PLCE1: variants seen among roughly 807,000 people sequenced by gnomAD.
PLCE1 encodes the protein 1-phosphatidylinositol 4,5-bisphosphate phosphodiesterase epsilon-1.
PLCE1 carries 119 observed loss-of-function variants against 242.8 expected under a neutral mutation model. The ratio of observed to expected loss-of-function variants is 0.49; its 90% CI spans 0.42 to 0.57. The LOEUF is 0.57. PLCE1 is among the 20% of genes least tolerant of loss of function. The probability of loss-of-function intolerance (pLI) is 0.00; values close to 1 mark genes in which losing one functional copy is unlikely to be tolerated. For missense variants in PLCE1, 2,441 were observed against 2,788.8 expected, an observed-to-expected ratio of 0.88 and a Z score of 2.81; for synonymous variants, 945 against 1,017.4, an observed-to-expected ratio of 0.93 and a Z score of 1.35.
chr10:94,056,117 G>A lies in PLCE1; in HGVS notation c.1206+23865G>A, dbSNP rs1452408983. ...CATCTTTTTTAGCAAACCCTTTTCT[G>A]TGTCAGTTTGTTTGAATTCTCTAAA... On this transcript the variant is annotated intron_variant, in intron 2 of 32. Transcript: ENST00000371380. Among the ~76,000 whole-genome samples, 4 of 152,222 alleles carry A rather than the reference G, an allele frequency of 2.6e-5. 1 individual carries two copies. Among genetic ancestry groups the A allele is most frequent in the South Asian group, 2.1e-4 (1 of 4,822 alleles).
At chr10:94,240,509 TAGAG>T (rs1227405927) in intron 7 of PLCE1, among the ~76,000 whole-genome samples, 16 of 152,166 alleles carry the variant, frequency 1.1e-4, no homozygotes, top group African/African-American at 2.2e-4. Flanking sequence ...TAGATTTTAT[TAGAG>T]AGAACAGCTG....
At chr10:94,236,250 ACTT>A in intron 7 of PLCE1, 130 bp downstream of exon 7, 1 of 727,714 alleles carries the variant, frequency 1.4e-6, no homozygotes, top group African/African-American at 1.8e-5. Context: ...ATTAAGCCAC[ACTT>A]CTTTATCTTC....
In PLCE1 at chr10:94,254,213, C is replaced by T. The variant is rs773286585; in HGVS notation, c.3303C>T (p.Asp1101=). The part of the protein sequence containing the change: ...LMRGESGEVT[D]DEMATRKAKM... The stretch of plus-strand genomic sequence containing the variant: ...AGGGTGAGAGTGGAGAGGTAACTGA[C>T]GATGAGATGGCAACCCGAAAGGCCA... The change falls in exon 10 of 33, where the codon GAC becomes GAT. Residue 1101 remains aspartate (D), a synonymous_variant. Transcript: ENST00000371380. The T allele has an allele frequency of 6.9e-5, 112 of 1,613,666 alleles. No homozygotes were observed. In the Admixed American group the frequency reaches 1.3e-3, roughly 19 times the overall value.
At chr10:94,205,344 T>A (rs867077719) in intron 4 of PLCE1, among the ~76,000 whole-genome samples, 3 of 152,212 alleles carry the variant, frequency 2.0e-5, no homozygotes, top group Admixed American at 6.5e-5. Flanking sequence ...GTTATGATAT[T>A]GGATCTTTGC....
At chr10:94,247,280 C>A (rs1338746648) in intron 8 of PLCE1, among the ~76,000 whole-genome samples, 3 of 151,354 alleles carry the variant, frequency 2.0e-5, no homozygotes, top group African/African-American at 7.3e-5. Context: ...GGTTTCTTTG[C>A]AGATGGGAGA....
At chr10:94,021,122 C>T (rs1954346) in intron 1 of PLCE1, among the ~76,000 whole-genome samples, 76,354 of 151,840 alleles carry the variant, frequency 0.5, 19,623 homozygotes, top group East Asian at 0.73. Context: ...TGAGCCACTG[C>T]GCCTGGCCAA....
chr10:94,116,171 C>G (rs1240646542), intron 2 of PLCE1, among the ~76,000 whole-genome samples: 1 of 152,152 alleles, frequency 6.6e-6, no homozygotes, highest in Non-Finnish European at 1.5e-5. Context: ...TCGTCATCAC[C>G]TTCCTCCCCT....
chr10:94,122,756 A>T (rs2046334970), intron 2 of PLCE1, among the ~76,000 whole-genome samples: 2 of 152,206 alleles, frequency 1.3e-5, no homozygotes, highest in Non-Finnish European at 2.9e-5. Flanking sequence ...AAAGTCTAGG[A>T]TACAGGTTTT....
intron 2 of PLCE1, among the ~76,000 whole-genome samples, chr10:94,087,324 T>C (rs939261725): frequency 7.2e-6 from 1 of 138,284 alleles, no homozygotes; most frequent in Non-Finnish European, 1.5e-5. Flanking sequence ...CACTCCAGCT[T>C]GGATGACAGA....
chr10:94,215,079 C>T (rs569978445), intron 4 of PLCE1, among the ~76,000 whole-genome samples: 4 of 152,124 alleles, frequency 2.6e-5, no homozygotes, highest in Non-Finnish European at 5.9e-5. Context: ...CCAAACTGCC[C>T]ATAGGTCTTC....
In PLCE1 at chr10:94,272,889, AT is replaced by A. The variant is rs1030156907; in HGVS notation, c.4507-663del. Among the ~76,000 whole-genome samples, 197 of 150,440 alleles carry A rather than the reference AT, an allele frequency of 1.3e-3. 1 individual carries two copies. The highest frequency in any genetic ancestry group is 2.0e-3 in the Non-Finnish European group (132 of 67,464). On this transcript the variant is annotated intron_variant, in intron 18 of 32. Coordinates refer to ENST00000371380, the MANE Select transcript of PLCE1 (RefSeq NM_016341.4). ...TCATATTGTCCTGGCCTAAGCTTTG[AT>A]TTTTTTTTTCAATTAAAAAATAACT...
chr10:94,102,110 T>C (rs1265258028), intron 2 of PLCE1, among the ~76,000 whole-genome samples: 1 of 152,218 alleles, frequency 6.6e-6, no homozygotes, highest in Non-Finnish European at 1.5e-5. Context: ...GCATCAGCAT[T>C]GTCACATCAG....
intron 4 of PLCE1, among the ~76,000 whole-genome samples, chr10:94,194,676 ATTC>A (rs2048766054): frequency 1.3e-5 from 2 of 152,324 alleles, no homozygotes; most frequent in Non-Finnish European, 2.9e-5. Context: ...TAACTATTGT[ATTC>A]TTCAGTCTCT....
chr10:94,132,361 A>C lies in PLCE1; in HGVS notation c.1394A>C (p.Tyr465Ser), dbSNP rs569393306. ...CTCCAAAGGACTTCAATATCGCAGTACATCACCGGTTCTCTCCTAGAAGCA... is the reference window on the plus strand; with the variant it reads ...CTCCAAAGGACTTCAATATCGCAGTCCATCACCGGTTCTCTCCTAGAAGCA... The part of the protein sequence containing the change: ...ATLQRTSISQ[Y>S]ITGSLLEATT... The change falls in exon 3 of 33, where the codon TAC (tyrosine) becomes TCC (serine). Residue 465 changes from tyrosine (Y) to serine (S), a missense_variant. Physicochemically the swap from Tyr to Ser is moderately radical, Grantham distance 144. Transcript: ENST00000371380. 1 of 1,614,108 alleles carries C rather than the reference A, an allele frequency of 6.2e-7. No homozygotes were observed. The highest frequency in any genetic ancestry group is 1.1e-5 in the South Asian group (1 of 91,086).
intron 7 of PLCE1, among the ~76,000 whole-genome samples, chr10:94,244,413 TC>T (rs2050608945): frequency 6.6e-6 from 1 of 152,130 alleles, no homozygotes; most frequent in Non-Finnish European, 1.5e-5. Flanking sequence ...ACTAACAACT[TC>T]CTATGCTTTG....
chr10:94,217,898 A>G lies in PLCE1; in HGVS notation c.1810-9408A>G, dbSNP rs75883739. Among the ~76,000 whole-genome samples, 4 of 152,186 alleles carry G rather than the reference A, an allele frequency of 2.6e-5. No individual in the cohort carries two copies. The East Asian group carries it at 7.7e-4, about 29-fold the overall frequency. ...GTGACAATTTAGAGAAAATGGACAT[A>G]TACACAACTGGTTTAATTGCAAGAC... On this transcript the variant is annotated intron_variant, in intron 4 of 32. Transcript: ENST00000371380.
intron 2 of PLCE1, 133 bp from the exon 3 acceptor site, chr10:94,132,041 A>T: frequency 1.3e-6 from 1 of 771,290 alleles, no homozygotes; most frequent in Non-Finnish European, 2.2e-6. Flanking sequence ...GCATGAGCCG[A>T]GTGCTCAGAG....
At chr10:94,028,941 T>G (rs1022662776) in intron 1 of PLCE1, among the ~76,000 whole-genome samples, 6 of 152,006 alleles carry the variant, frequency 3.9e-5, no homozygotes, top group Admixed American at 3.3e-4. Context: ...TCCCCTCCCC[T>G]TGAATGTGGG....
At chr10:94,181,312 C>T (rs1314424864) in intron 4 of PLCE1, among the ~76,000 whole-genome samples, 6 of 152,138 alleles carry the variant, frequency 3.9e-5, no homozygotes, top group African/African-American at 1.4e-4. Flanking sequence ...GTGGCTCACG[C>T]CTGTAATCCC....
Sources: allele counts gnomAD v4.1 joint callset (sites outside exome capture counted in the v4.1 genomes callset), GRCh38; gene constraint gnomAD v4.1.1; transcripts MANE v1.5; gene names NCBI Gene and HGNC (gene_info 2026-07-23, HGNC 2026-07-21).